ITPR2: variants seen among roughly 807,000 people sequenced by gnomAD.
ITPR2 encodes the protein inositol 1,4,5-trisphosphate-gated calcium channel ITPR2.
In ITPR2, 207 loss-of-function variants were observed where a neutral mutation model predicts 317.1. The observed-to-expected ratio is 0.65, with a 90% CI of 0.58 to 0.73. The LOEUF (loss-of-function observed/expected upper bound fraction) is 0.73. Among genes scored for constraint, ITPR2 ranks in the 30% least tolerant of loss-of-function variants. The probability of loss-of-function intolerance (pLI) is 0.00; values close to 1 mark genes in which losing one functional copy is unlikely to be tolerated. For synonymous variants in ITPR2, 1,156 were observed against 1,149.1 expected, an observed-to-expected ratio of 1.01 and a Z score of -0.12; for missense variants, 2,613 against 3,284.0, an observed-to-expected ratio of 0.80 and a Z score of 4.99.
At chr12:26,423,176 T>C (rs570426503) in intron 49 of ITPR2, among the ~76,000 whole-genome samples, 51 of 152,118 alleles carry the variant, frequency 3.4e-4, no homozygotes, top group Non-Finnish European at 6.2e-4. Flanking sequence ...GACCACATTA[T>C]ATGAAAAAGG....
Position 26,387,474 on chromosome 12 carries a change from TCTGTTGGGTCTTTAA to T in ITPR2, c.7802_7816del (p.Val2601_Thr2605del), listed in dbSNP as rs1172537567. On this transcript the variant is annotated inframe_deletion, in exon 55 of 57. Transcript: ENST00000381340. ...CACATAACTTTCAGGTCCAGTGTAT[TCTGTTGGGTCTTTAA>T]CTTTCACCAGGACTATGAAGTACAA... 6.2e-7 allele frequency: 1 copy of T among 1,613,878 alleles called. No individual in the cohort carries two copies. The highest frequency in any genetic ancestry group is 8.5e-7 in the Non-Finnish European group (1 of 1,179,870).
chr12:26,608,812 G>C (rs1946198761), intron 26 of ITPR2, among the ~76,000 whole-genome samples: 1 of 150,630 alleles, frequency 6.6e-6, no homozygotes, highest in Non-Finnish European at 1.5e-5. Flanking sequence ...AAACACATCA[G>C]GAACCTATTA....
chr12:26,566,426 GTAA>G (rs1944987879), intron 34 of ITPR2, among the ~76,000 whole-genome samples: 1 of 135,108 alleles, frequency 7.4e-6, no homozygotes, highest in African/African-American at 2.8e-5. Context: ...AGAAGGAGAG[GTAA>G]GAGGAGAAGG....
intron 23 of ITPR2, among the ~76,000 whole-genome samples, chr12:26,626,213 C>G (rs1035431371): frequency 1.3e-5 from 2 of 152,218 alleles, no homozygotes; most frequent in African/African-American, 4.8e-5. Flanking sequence ...AATCCGCCCC[C>G]TTCGGCCTCC....
chr12:26,565,527 T>C (rs61920324), intron 34 of ITPR2, among the ~76,000 whole-genome samples: 10,302 of 139,386 alleles, frequency 0.074, 126 homozygotes, highest in South Asian at 0.12. Flanking sequence ...GATAGATAGA[T>C]AGACAGACAG....
chr12:26,758,614 TA>T (rs1194960615), intron 2 of ITPR2, among the ~76,000 whole-genome samples: 1 of 152,200 alleles, frequency 6.6e-6, no homozygotes, highest in African/African-American at 2.4e-5. Flanking sequence ...CTTCACAGAT[TA>T]GGCACTGGAA....
intron 5 of ITPR2, among the ~76,000 whole-genome samples, chr12:26,721,888 C>T (rs1267851479): frequency 6.6e-6 from 1 of 152,112 alleles, no homozygotes; most frequent in African/African-American, 2.4e-5. Context: ...TAGTCCACAA[C>T]ATATTGTAAA....
intron 15 of ITPR2, among the ~76,000 whole-genome samples, chr12:26,660,768 C>A (rs1947478159): frequency 6.6e-6 from 1 of 151,832 alleles, no homozygotes; most frequent in Non-Finnish European, 1.5e-5. Context: ...AGGCAAACAT[C>A]CAAAAATGTT....
intron 26 of ITPR2, among the ~76,000 whole-genome samples, chr12:26,617,596 G>T (rs986100564): frequency 7.0e-6 from 1 of 143,552 alleles, no homozygotes; most frequent in African/African-American, 2.6e-5. Context: ...GTGAAAGAAA[G>T]AAAGAAAAGA....
At chr12:26,530,966 A>G (rs1943928413) in intron 37 of ITPR2, among the ~76,000 whole-genome samples, 1 of 152,256 alleles carries the variant, frequency 6.6e-6, no homozygotes, top group Non-Finnish European at 1.5e-5. Flanking sequence ...ATTAAATTTA[A>G]ACCCACTTTT....
rs34175926 is a variant in ITPR2, at chr12:26,803,359, C to CAA, written c.93-13134_93-13133dup. On this transcript the variant is annotated intron_variant, in intron 1 of 56. Transcript: ENST00000381340. Reference sequence around the variant, plus strand: ...CACAGTGACTGGCATATAGTAAGTGCAAAAAAAAAAAATGTTAAATGAATC... The same window carrying CAA: ...CACAGTGACTGGCATATAGTAAGTGCAAAAAAAAAAAAAATGTTAAATGAATC... Among the ~76,000 whole-genome samples the CAA allele has an allele frequency of 2.0e-3, 295 of 145,142 alleles. 4 individuals are homozygous for CAA. The highest frequency in any genetic ancestry group is 2.0e-3 in the South Asian group (9 of 4,614).
At chr12:26,457,843 T>C (rs1156789090) in intron 45 of ITPR2, among the ~76,000 whole-genome samples, 2 of 152,236 alleles carry the variant, frequency 1.3e-5, no homozygotes, top group Non-Finnish European at 2.9e-5. Context: ...GTGAGGCTCC[T>C]AAGGGTACTT....
At chr12:26,566,904 C>A (rs1381224944) in intron 34 of ITPR2, among the ~76,000 whole-genome samples, 2 of 152,200 alleles carry the variant, frequency 1.3e-5, no homozygotes, top group Non-Finnish European at 2.9e-5. Context: ...TAATCCTGCA[C>A]CATGATCAAA....
At chr12:26,580,438 C>T (rs747729268) in intron 32 of ITPR2, among the ~76,000 whole-genome samples, 2 of 152,162 alleles carry the variant, frequency 1.3e-5, no homozygotes, top group Non-Finnish European at 2.9e-5. Context: ...CTCTTGCACA[C>T]CAACCTCTCC....
chr12:26,568,222 T>C (rs1177594063), intron 34 of ITPR2, among the ~76,000 whole-genome samples: 2 of 151,210 alleles, frequency 1.3e-5, no homozygotes, highest in Non-Finnish European at 2.9e-5. Context: ...TTAAAATACT[T>C]GTTCCTAGTT....
rs1946029851 is a variant in ITPR2 at position 26,602,689 on chromosome 12, A to G, written c.3480T>C (p.Ser1160=). ...GTTTCTTTGTTCCATCCTGCACTGG[A>G]CTTAAAATGTTTGATTCCTAAAAGG... The part of the protein sequence containing the change: ...EEPIEESNIL[S]PVQDGTKKPQ... Residue 1160 remains serine, a synonymous_variant, in exon 27 of 57, where the codon AGT becomes AGC. Transcript: ENST00000381340. 2 of 1,596,890 alleles carry G rather than the reference A, an allele frequency of 1.3e-6. No homozygotes were observed. The highest frequency in any genetic ancestry group is 8.5e-7 in the Non-Finnish European group (1 of 1,169,706).
chr12:26,367,650 C>T (rs562299728), intron 55 of ITPR2, among the ~76,000 whole-genome samples: 2 of 152,264 alleles, frequency 1.3e-5, no homozygotes, highest in South Asian at 4.1e-4. Flanking sequence ...CAAACTAATA[C>T]ACAAACTTAG....
At chr12:26,622,439 T>G in intron 24 of ITPR2, 34 bp from the exon 25 acceptor site, 1 of 1,511,646 alleles carries the variant, frequency 6.6e-7, no homozygotes, top group Non-Finnish European at 9.0e-7. Context: ...AAGTGACTCC[T>G]ATTTATATAA....
chr12:26,355,034 C>G (rs1938589976), intron 55 of ITPR2, among the ~76,000 whole-genome samples: 1 of 152,096 alleles, frequency 6.6e-6, no homozygotes, highest in African/African-American at 2.4e-5. Context: ...ATTTTTAGGC[C>G]TTACTCCAGA....
Sources: allele counts gnomAD v4.1 joint callset (sites outside exome capture counted in the v4.1 genomes callset), GRCh38; gene constraint gnomAD v4.1.1; transcripts MANE v1.5; gene names NCBI Gene and HGNC (gene_info 2026-07-23, HGNC 2026-07-21).